UBE2O: variants seen among roughly 807,000 people sequenced by gnomAD.
UBE2O encodes (E3-independent) E2 ubiquitin-conjugating enzyme.
UBE2O carries 15 observed loss-of-function variants against 125.8 expected under a neutral mutation model. That is an observed-to-expected ratio of 0.12 (90% CI 0.08 to 0.18). The LOEUF (loss-of-function observed/expected upper bound fraction) is 0.18. Among genes scored for constraint, UBE2O ranks in the 10% least tolerant of loss-of-function variants. The pLI, the probability that UBE2O is intolerant of heterozygous loss-of-function variation, is 1.00. For synonymous variants in UBE2O, 708 were observed against 703.2 expected (o/e 1.01, Z -0.11); for missense variants, 1,280 against 1,723.6 (o/e 0.74, Z 4.56).
intron 1 of UBE2O, among the ~76,000 whole-genome samples, chr17:76,424,243 TTG>T (rs1195210055): frequency 7.4e-6 from 1 of 135,956 alleles, no homozygotes. Flanking sequence ...AATTTAACTT[TTG>T]TTGCCCAGCC....
At chr17:76,433,679 T>G (rs1391240353) in intron 1 of UBE2O, among the ~76,000 whole-genome samples, 1 of 150,454 alleles carries the variant, frequency 6.6e-6, no homozygotes, top group Non-Finnish European at 1.5e-5. Context: ...GCCACTGCAT[T>G]CCAGCCTGGG....
chr17:76,392,575 G>A (rs547219965), intron 15 of UBE2O, among the ~76,000 whole-genome samples: 36 of 152,090 alleles, frequency 2.4e-4, no homozygotes, highest in African/African-American at 7.2e-4. Context: ...GCCCTTGCCT[G>A]GAATCATTGA....
Position 76,399,458 on chromosome 17 carries a change from G to T in UBE2O, c.1619C>A (p.Pro540Gln). 6.2e-7 allele frequency: 1 copy of T among 1,613,898 alleles called. No individual in the cohort carries two copies. Among genetic ancestry groups the T allele is most frequent in the East Asian group, 2.2e-5 (1 of 44,882 alleles). ...KKNKITRDFKPGDRVAVEVVT... is the reference protein window; with the variant it reads ...KKNKITRDFKQGDRVAVEVVT... ...ACAACTCTGAGTTTACCTGTCCCCT[G>T]GCTTGAAGTCTCGAGTGATTTTATT... The change falls in exon 9 of 18, where the codon CCA becomes CAA. Residue 540 changes from proline (P) to glutamine (Q), a missense_variant. Physicochemically the swap from Pro to Gln is moderately conservative, Grantham distance 76. Around this residue, in one of 10 missense-constraint regions of UBE2O, gnomAD observed 145 missense variants for 219.6 expected, o/e 0.66. Transcript: ENST00000319380. The surrounding 1 kb of genome is among the most constrained non-coding windows in gnomAD (Gnocchi z 6.9).
At chr17:76,421,107 A>G (rs1272894596) in intron 1 of UBE2O, among the ~76,000 whole-genome samples, 1 of 152,178 alleles carries the variant, frequency 6.6e-6, no homozygotes, top group Non-Finnish European at 1.5e-5. Flanking sequence ...CCATTTGCTA[A>G]GTGGGTGCAG....
At chr17:76,430,090 A>G (rs1197649555) in intron 1 of UBE2O, among the ~76,000 whole-genome samples, 3 of 152,110 alleles carry the variant, frequency 2.0e-5, no homozygotes, top group Admixed American at 6.5e-5. Context: ...GATGCTTTCT[A>G]AAGTGCTTTT....
Position 76,396,424 on chromosome 17 carries a change from G to A in UBE2O, c.2513C>T (p.Thr838Ile), listed in dbSNP as rs2072210308. 6.2e-7 allele frequency: 1 copy of A among 1,614,152 alleles called. No individual in the cohort carries two copies. Among genetic ancestry groups the A allele is most frequent in the Non-Finnish European group, 8.5e-7 (1 of 1,180,026 alleles). ...CTTCTCAGGCTCCACAGTCGGAGAG[G>A]TGGGCGAGCCCGTCAGCAGCTGCTC... ...TVEQLLTGSP[T>I]SPTVEPEKPT... Residue 838 changes from threonine (T) to isoleucine (I), a missense_variant, in exon 14 of 18, where the codon ACC (threonine) becomes ATC (isoleucine). Transcript: ENST00000319380. The surrounding 1 kb of genome is among the most constrained non-coding windows in gnomAD (Gnocchi z 6.7).
At chr17:76,409,258 G>A (rs1478442400) in intron 1 of UBE2O, among the ~76,000 whole-genome samples, 3 of 152,036 alleles carry the variant, frequency 2.0e-5, no homozygotes. Flanking sequence ...GTGAGCCACC[G>A]CGCCCAGCCT....
chr17:76,434,069 T>C (rs1567852243), intron 1 of UBE2O, among the ~76,000 whole-genome samples: 1 of 152,184 alleles, frequency 6.6e-6, no homozygotes, highest in Non-Finnish European at 1.5e-5. Flanking sequence ...TCCTATAGAC[T>C]TTTATTTCCT....
At position 76,402,005 on chromosome 17, in the gene UBE2O, C is replaced by T; in HGVS notation, c.750+59G>A. 1 of 1,573,568 alleles carries T rather than the reference C, an allele frequency of 6.4e-7. No individual in the cohort carries two copies. The highest frequency in any genetic ancestry group is 2.3e-5 in the East Asian group (1 of 44,384). On this transcript the variant is annotated intron_variant, in intron 5 of 17. Coordinates refer to ENST00000319380, the MANE Select transcript of UBE2O (RefSeq NM_022066.4). The surrounding 1 kb of genome is among the most constrained non-coding windows in gnomAD (Gnocchi z 5.4). ...TGGGTCCAGGTCTTTGCTACGAAGTCCTCCTTCCAGAGGACTGAGCAATCA... is the reference window on the plus strand; with the variant it reads ...TGGGTCCAGGTCTTTGCTACGAAGTTCTCCTTCCAGAGGACTGAGCAATCA...
rs190917904 is a variant in UBE2O at position 76,409,662 on chromosome 17, G to A, written c.418-4090C>T. Among the ~76,000 whole-genome samples the A allele has an allele frequency of 4.0e-4, 61 of 152,266 alleles. 1 individual carries two copies. The South Asian group carries it at 5.6e-3, about 14-fold the overall frequency. On this transcript the variant is annotated intron_variant, in intron 1 of 17. Coordinates refer to ENST00000319380, the MANE Select transcript of UBE2O (RefSeq NM_022066.4). ...GCCCTCCTCAGCCTCCCAAAGTGCT[G>A]GGATTACAGGCGTGAGCCACCGCCC...
At chr17:76,406,218 G>A (rs2072414727) in intron 1 of UBE2O, among the ~76,000 whole-genome samples, 1 of 152,210 alleles carries the variant, frequency 6.6e-6, no homozygotes, top group South Asian at 2.1e-4. Flanking sequence ...GTCTCTTTAC[G>A]CACAGCTGGC....
chr17:76,419,830 C>A (rs544634783), intron 1 of UBE2O, among the ~76,000 whole-genome samples: 1 of 152,316 alleles, frequency 6.6e-6, no homozygotes, highest in African/African-American at 2.4e-5. Context: ...TAGAAGGGAG[C>A]GAGCTGGTGT....
chr17:76,410,620 A>G lies in UBE2O; in HGVS notation c.418-5048T>C, dbSNP rs2072499757. Among the ~76,000 whole-genome samples, 1 of 152,164 alleles carries G rather than the reference A, an allele frequency of 6.6e-6. No individual in the cohort carries two copies. The highest frequency in any genetic ancestry group is 2.1e-4 in the South Asian group (1 of 4,824). ...AAATGGTAAGTGAGGGGTCAGGGAC[A>G]ATGCCAGGGCAGAGGGCAACGTGGC... On this transcript the variant is annotated intron_variant, in intron 1 of 17. Transcript: ENST00000319380. This position sits in a 1 kb window ranked among gnomAD's most constrained non-coding sequence, Gnocchi z 4.0.
At position 76,398,382 on chromosome 17, in the gene UBE2O, A is replaced by G. The variant is rs774284073; in HGVS notation, c.1898T>C (p.Leu633Pro). The change falls in exon 12 of 18, where the codon CTG becomes CCG. Residue 633 changes from leucine to proline, a missense_variant and splice_region_variant. Transcript: ENST00000319380. This position sits in a 1 kb window ranked among gnomAD's most constrained non-coding sequence, Gnocchi z 5.4. ...KLRPSGDDVE[L>P]IGEEEDVSVY... ...ACTCACATCTTCCTCTTCTCCAATC[A>G]GCTGTGGCACAGGACAGGTTGTCAT... 1.1e-5 allele frequency: 17 copies of G among 1,614,018 alleles called. No individual in the cohort carries two copies. The highest frequency in any genetic ancestry group is 1.3e-5 in the Non-Finnish European group (15 of 1,180,004).
At chr17:76,451,318 T>C (rs1347635137) in intron 1 of UBE2O, among the ~76,000 whole-genome samples, 1 of 152,232 alleles carries the variant, frequency 6.6e-6, no homozygotes, top group Non-Finnish European at 1.5e-5. Context: ...TGCACAAAAG[T>C]AATATTTTCC....
chr17:76,450,184 C>T (rs570219398), intron 1 of UBE2O, among the ~76,000 whole-genome samples: 24 of 152,000 alleles, frequency 1.6e-4, no homozygotes, highest in Non-Finnish European at 2.4e-4. Flanking sequence ...CTTTCCTTTA[C>T]GGCATACTAT....
At chr17:76,434,072 T>C (rs565681306) in intron 1 of UBE2O, among the ~76,000 whole-genome samples, 94 of 152,362 alleles carry the variant, frequency 6.2e-4, no homozygotes, top group Non-Finnish European at 1.0e-3. Flanking sequence ...TATAGACTTT[T>C]ATTTCCTAAG....
Position 76,409,689 on chromosome 17 carries a change from T to C in UBE2O, c.418-4117A>G, listed in dbSNP as rs556960900. 9.2e-5 allele frequency among the ~76,000 whole-genome samples: 14 copies of C among 152,284 alleles called. No individual in the cohort carries two copies. In the East Asian group the frequency reaches 2.7e-3, roughly 29 times the overall value. Reference sequence around the variant, plus strand: ...GATTACAGGCGTGAGCCACCGCCCCTGGCAAACACACACCACTTTGCACAC... The same window carrying C: ...GATTACAGGCGTGAGCCACCGCCCCCGGCAAACACACACCACTTTGCACAC... On this transcript the variant is annotated intron_variant, in intron 1 of 17. Coordinates refer to ENST00000319380, the MANE Select transcript of UBE2O (RefSeq NM_022066.4).
At chr17:76,423,971 G>A (rs1250528307) in intron 1 of UBE2O, among the ~76,000 whole-genome samples, 2 of 145,164 alleles carry the variant, frequency 1.4e-5, no homozygotes, top group African/African-American at 5.1e-5. Context: ...GCAGCGGCGC[G>A]ATCTTGGCTC....
Sources: gnomAD v4.1 joint callset for allele counts (sites outside exome capture counted in the v4.1 genomes callset) on GRCh38, gnomAD v4.1.1 for gene constraint, gnomAD v4.1.1 regional missense constraint, Gnocchi (gnomAD v3.1) non-coding constraint, MANE v1.5 for transcripts, NCBI Gene and HGNC (gene_info 2026-07-23, HGNC 2026-07-21) for gene names.